Variants in PTPRN2 observed in about 807,000 individuals in gnomAD.
PTPRN2 encodes protein tyrosine phosphatase receptor type N2, also known as receptor-type tyrosine-protein phosphatase N2.
Under a neutral mutation model 118.8 loss-of-function variants are expected in PTPRN2, and 74 were observed. That is an observed-to-expected ratio of 0.62 (90% CI 0.52 to 0.76). The LOEUF is 0.76. Ranked by LOEUF, PTPRN2 falls within the 30% of genes least tolerant of loss-of-function variation. The probability of loss-of-function intolerance (pLI) is 0.00; values close to 1 mark genes in which losing one functional copy is unlikely to be tolerated. For synonymous variants in PTPRN2, 641 were observed against 608.0 expected, an observed-to-expected ratio of 1.05 and a Z score of -0.80; for missense variants, 1,481 against 1,394.4, an observed-to-expected ratio of 1.06 and a Z score of -0.99.
intron 2 of PTPRN2, among the ~76,000 whole-genome samples, chr7:158,404,025 C>T (rs1268236979): frequency 2.0e-5 from 3 of 152,220 alleles, no homozygotes; most frequent in East Asian, 1.9e-4. Flanking sequence ...AAAAATGACA[C>T]GAAGACGTTG....
chr7:158,163,846 T>C (rs1822613042), intron 6 of PTPRN2, among the ~76,000 whole-genome samples: 2 of 152,272 alleles, frequency 1.3e-5, no homozygotes, highest in South Asian at 2.1e-4. Context: ...AGGTGACGCC[T>C]GTACGGGGTT....
intron 21 of PTPRN2, among the ~76,000 whole-genome samples, chr7:157,564,940 G>A (rs912460812): frequency 8.5e-5 from 13 of 152,196 alleles, no homozygotes; most frequent in African/African-American, 3.1e-4. Context: ...CACAAAGTGC[G>A]GTCCATCCAT....
chr7:158,026,712 C>T (rs1443948970), intron 11 of PTPRN2, among the ~76,000 whole-genome samples: 3 of 152,200 alleles, frequency 2.0e-5, no homozygotes, highest in African/African-American at 7.2e-5. Context: ...CTGAGCCCCA[C>T]AGAGGTGCCC....
chr7:157,580,910 T>C (rs570075275), intron 17 of PTPRN2, among the ~76,000 whole-genome samples: 6 of 26,282 alleles, frequency 2.3e-4, no homozygotes, highest in South Asian at 3.1e-3. Context: ...CTCCACACCG[T>C]GGCACCTGCA....
intron 12 of PTPRN2, among the ~76,000 whole-genome samples, chr7:157,898,240 T>C (rs1228547491): frequency 2.6e-5 from 4 of 152,384 alleles, no homozygotes; most frequent in African/African-American, 9.6e-5. Flanking sequence ...TCCTGTTTTA[T>C]ATTGCCTCTC....
intron 9 of PTPRN2, among the ~76,000 whole-genome samples, chr7:158,131,920 A>T (rs1408870851): frequency 6.6e-6 from 1 of 152,020 alleles, no homozygotes; most frequent in Non-Finnish European, 1.5e-5. Context: ...AAACCAATAC[A>T]CATCTACCCG....
intron 11 of PTPRN2, among the ~76,000 whole-genome samples, chr7:157,946,691 G>A (rs1800510425): frequency 1.3e-5 from 2 of 152,226 alleles, no homozygotes; most frequent in South Asian, 4.1e-4. Context: ...TCAACACTTT[G>A]AAGAATTAAG....
At chr7:157,844,029 C>T (rs1024524659) in intron 12 of PTPRN2, among the ~76,000 whole-genome samples, 2 of 152,208 alleles carry the variant, frequency 1.3e-5, no homozygotes, top group South Asian at 2.1e-4. Context: ...GAGGAGGGGG[C>T]GGCGCAGGCC....
At chr7:158,052,531 G>A (rs1809407606) in intron 11 of PTPRN2, among the ~76,000 whole-genome samples, 1 of 152,244 alleles carries the variant, frequency 6.6e-6, no homozygotes, top group Admixed American at 6.5e-5. Flanking sequence ...GGATGGTAGA[G>A]GGGTGCGGCC....
At chr7:158,141,433 G>A (rs1238524434) in intron 6 of PTPRN2, among the ~76,000 whole-genome samples, 1 of 152,198 alleles carries the variant, frequency 6.6e-6, no homozygotes, top group Admixed American at 6.5e-5. Context: ...GTCCCCACGT[G>A]CCCCGTTCAC....
At chr7:158,330,882 C>T (rs1313926675) in intron 2 of PTPRN2, among the ~76,000 whole-genome samples, 3 of 102,580 alleles carry the variant, frequency 2.9e-5, no homozygotes, top group African/African-American at 1.1e-4. Context: ...GTCATTCACA[C>T]CCAAACTCTC....
Position 157,953,806 on chromosome 7 carries a change from G to A in PTPRN2, c.1724-55069C>T, listed in dbSNP as rs1171163109. The stretch of plus-strand genomic sequence containing the variant: ...ATCCCTCCTGAGGGTGAGGGCGACC[G>A]AGAAAGGAATGAGGGCATAAGAGCG... On this transcript the variant is annotated intron_variant, in intron 11 of 22. Coordinates refer to ENST00000389418, the MANE Select transcript of PTPRN2 (RefSeq NM_002847.5). The surrounding 1 kb of genome is among the most constrained non-coding windows in gnomAD (Gnocchi z 4.6). 1.3e-5 allele frequency among the ~76,000 whole-genome samples: 2 copies of A among 152,160 alleles called. No individual in the cohort carries two copies. The highest frequency in any genetic ancestry group is 6.5e-5 in the Admixed American group (1 of 15,282).
intron 9 of PTPRN2, among the ~76,000 whole-genome samples, chr7:158,117,866 T>C (rs1816855475): frequency 6.6e-6 from 1 of 152,152 alleles, no homozygotes; most frequent in African/African-American, 2.4e-5. Flanking sequence ...CATTCTTAGA[T>C]AAACCAAAGC....
intron 5 of PTPRN2, among the ~76,000 whole-genome samples, chr7:158,190,559 G>T (rs909646531): frequency 6.6e-6 from 1 of 152,140 alleles, no homozygotes; most frequent in Non-Finnish European, 1.5e-5. Context: ...TTCATTGTGA[G>T]CCTAACCTTA....
chr7:158,579,566 CA>C (rs1322142135), intron 1 of PTPRN2, among the ~76,000 whole-genome samples: 1 of 152,214 alleles, frequency 6.6e-6, no homozygotes, highest in Non-Finnish European at 1.5e-5. Flanking sequence ...AGTGCAAGTG[CA>C]AACTGTAAAG....
intron 3 of PTPRN2, among the ~76,000 whole-genome samples, chr7:158,244,181 G>T (rs897626312): frequency 6.6e-6 from 1 of 152,204 alleles, no homozygotes; most frequent in Non-Finnish European, 1.5e-5. Flanking sequence ...TTCCTGCTCA[G>T]CCAGAAGGGA....
intron 21 of PTPRN2, among the ~76,000 whole-genome samples, chr7:157,558,044 G>A (rs906262798): frequency 3.4e-5 from 3 of 87,156 alleles, no homozygotes; most frequent in Admixed American, 1.1e-4. Context: ...CGGAGACACC[G>A]GACCTCTGCA....
At position 157,674,841 on chromosome 7, in the gene PTPRN2, C is replaced by CG. The variant is rs532252791; in HGVS notation, c.2001+7883dup. On this transcript the variant is annotated intron_variant, in intron 13 of 22. Transcript: ENST00000389418. This position sits in a 1 kb window ranked among gnomAD's most constrained non-coding sequence, Gnocchi z 4.5. Reference sequence around the variant, plus strand: ...TCCTCCCACGCCGAGCTCCTCCTGCCGGGGGGGTCTGCACAGTTCTGGGTG... The same window carrying CG: ...TCCTCCCACGCCGAGCTCCTCCTGCCGGGGGGGGTCTGCACAGTTCTGGGTG... Among the ~76,000 whole-genome samples the CG allele has an allele frequency of 5.3e-5, 8 of 152,144 alleles. No individual in the cohort carries two copies. The South Asian group carries it at 6.2e-4, about 12-fold the overall frequency.
At chr7:158,394,920 C>T (rs1366116079) in intron 2 of PTPRN2, among the ~76,000 whole-genome samples, 3 of 152,218 alleles carry the variant, frequency 2.0e-5, no homozygotes, top group Non-Finnish European at 4.4e-5. Context: ...GTGCAGGCCG[C>T]ATCTCTGCAA....
Sources: gnomAD v4.1 joint callset for allele counts (sites outside exome capture counted in the v4.1 genomes callset) on GRCh38, gnomAD v4.1.1 for gene constraint, Gnocchi (gnomAD v3.1) non-coding constraint, MANE v1.5 for transcripts, NCBI Gene and HGNC (gene_info 2026-07-23, HGNC 2026-07-21) for gene names.